Variants in EPHA6 observed in about 807,000 individuals in gnomAD.
EPHA6 encodes ephrin type-A receptor 6.
In EPHA6, 50 loss-of-function variants were observed where a neutral mutation model predicts 112.0. The observed-to-expected ratio is 0.45, with a 90% CI of 0.36 to 0.56. The LOEUF (loss-of-function observed/expected upper bound fraction) is 0.56, where lower values mean the gene tolerates loss of function less well. EPHA6 is among the 20% of genes least tolerant of loss of function. EPHA6 has a pLI of 0.00. For synonymous variants in EPHA6, 529 were observed against 490.7 expected, an observed-to-expected ratio of 1.08 and a Z score of -1.03; for missense variants, 1,280 against 1,417.4, an observed-to-expected ratio of 0.90 and a Z score of 1.56.
At chr3:97,101,158 A>T (rs1243902004) in intron 3 of EPHA6, among the ~76,000 whole-genome samples, 5 of 152,080 alleles carry the variant, frequency 3.3e-5, no homozygotes, top group Non-Finnish European at 7.4e-5. Flanking sequence ...AATTTTGAAC[A>T]TATAAATTAT....
At chr3:97,560,041 A>G (rs1358329601) in intron 11 of EPHA6, among the ~76,000 whole-genome samples, 1 of 151,990 alleles carries the variant, frequency 6.6e-6, no homozygotes, top group East Asian at 1.9e-4. Context: ...AAAGAAAAAA[A>G]AGAAAAAAAT....
chr3:97,677,497 G>T (rs1160206115), intron 14 of EPHA6, among the ~76,000 whole-genome samples: 1 of 151,938 alleles, frequency 6.6e-6, no homozygotes, highest in Non-Finnish European at 1.5e-5. Context: ...AAGGTGGGCG[G>T]ATCACCTGAG....
intron 2 of EPHA6, among the ~76,000 whole-genome samples, chr3:96,953,359 CT>C (rs2041628225): frequency 6.6e-6 from 1 of 152,054 alleles, no homozygotes; most frequent in Non-Finnish European, 1.5e-5. Flanking sequence ...GTATTTGTTT[CT>C]AGTTTAAAAA....
intron 3 of EPHA6, among the ~76,000 whole-genome samples, chr3:97,212,199 T>C (rs1362690805): frequency 6.6e-6 from 1 of 152,102 alleles, no homozygotes; most frequent in Non-Finnish European, 1.5e-5. Flanking sequence ...TAAATAGTAT[T>C]TCATTTCAGG....
At chr3:97,678,111 G>A (rs1045148852) in intron 14 of EPHA6, among the ~76,000 whole-genome samples, 13 of 152,092 alleles carry the variant, frequency 8.5e-5, no homozygotes, top group African/African-American at 3.1e-4. Flanking sequence ...GTGGTGACTT[G>A]GAGTATTGAT....
chr3:97,259,990 A>G (rs1265034040), intron 5 of EPHA6, among the ~76,000 whole-genome samples: 17 of 152,072 alleles, frequency 1.1e-4, no homozygotes, highest in Non-Finnish European at 7.4e-5. Context: ...CAGTAGAGAC[A>G]GGGTTTCACC....
chr3:97,114,633 A>G (rs960987837), intron 3 of EPHA6, among the ~76,000 whole-genome samples: 5 of 152,124 alleles, frequency 3.3e-5, no homozygotes, highest in African/African-American at 9.6e-5. Flanking sequence ...TAAGACATAT[A>G]TAGCATTCTT....
At chr3:96,858,999 G>A (rs1576162859) in intron 1 of EPHA6, among the ~76,000 whole-genome samples, 1 of 152,098 alleles carries the variant, frequency 6.6e-6, no homozygotes, top group Admixed American at 6.6e-5. Flanking sequence ...ACCAAGTACA[G>A]TAGCCGTTTA....
intron 3 of EPHA6, among the ~76,000 whole-genome samples, chr3:97,148,640 T>A (rs1020479012): frequency 6.6e-5 from 10 of 152,072 alleles, no homozygotes; most frequent in Non-Finnish European, 1.3e-4. Flanking sequence ...TATATTAAAA[T>A]TTTAAAAAAT....
At chr3:97,091,087 C>G (rs1205745283) in intron 3 of EPHA6, among the ~76,000 whole-genome samples, 2 of 152,060 alleles carry the variant, frequency 1.3e-5, no homozygotes, top group Non-Finnish European at 2.9e-5. Context: ...TTACTCTTCC[C>G]TCTTCCATTT....
intron 14 of EPHA6, among the ~76,000 whole-genome samples, chr3:97,648,126 G>A (rs1386146377): frequency 1.3e-5 from 2 of 151,988 alleles, no homozygotes; most frequent in East Asian, 1.9e-4. Flanking sequence ...TAATTGCATC[G>A]ATTTTGTGTT....
intron 14 of EPHA6, among the ~76,000 whole-genome samples, chr3:97,673,449 G>T (rs927176758): frequency 6.6e-6 from 1 of 152,138 alleles, no homozygotes; most frequent in Non-Finnish European, 1.5e-5. Context: ...GGAAGATGAG[G>T]TGAATTCACA....
chr3:97,103,445 T>C (rs776865663), intron 3 of EPHA6, among the ~76,000 whole-genome samples: 2 of 152,118 alleles, frequency 1.3e-5, no homozygotes, highest in Non-Finnish European at 2.9e-5. Flanking sequence ...AAAGATCAGA[T>C]GGTTGCATGT....
chr3:96,859,113 T>G (rs1411253559), intron 1 of EPHA6, among the ~76,000 whole-genome samples: 1 of 42,916 alleles, frequency 2.3e-5, no homozygotes, highest in East Asian at 9.9e-4. Flanking sequence ...CATGATCCCT[T>G]TTGATTACCT....
At chr3:97,138,937 G>T (rs537155650) in intron 3 of EPHA6, among the ~76,000 whole-genome samples, 3 of 152,182 alleles carry the variant, frequency 2.0e-5, no homozygotes, top group Non-Finnish European at 4.4e-5. Flanking sequence ...AAACCTAGGT[G>T]TGTCCCAGTG....
chr3:97,053,372 G>C (rs925092380), intron 3 of EPHA6, among the ~76,000 whole-genome samples: 1 of 152,050 alleles, frequency 6.6e-6, no homozygotes, highest in African/African-American at 2.4e-5. Context: ...GGGAACATGT[G>C]CTGGTACTGA....
At chr3:97,244,913 A>G (rs1373443868) in intron 5 of EPHA6, among the ~76,000 whole-genome samples, 14 of 152,110 alleles carry the variant, frequency 9.2e-5, no homozygotes, top group African/African-American at 2.4e-4. Context: ...AAACACTCCT[A>G]TGATTTTTAC....
intron 10 of EPHA6, among the ~76,000 whole-genome samples, chr3:97,492,094 A>G (rs2091853454): frequency 6.6e-6 from 1 of 151,978 alleles, no homozygotes; most frequent in Admixed American, 6.6e-5. Flanking sequence ...GTGAATCATT[A>G]TTTTTTCAAG....
intron 5 of EPHA6, among the ~76,000 whole-genome samples, chr3:97,372,955 C>T (rs2085144438): frequency 6.6e-6 from 1 of 151,988 alleles, no homozygotes; most frequent in Non-Finnish European, 1.5e-5. Context: ...AGATGCAAAC[C>T]AAATTCTTCA....
Sources: allele counts gnomAD v4.1 joint callset (sites outside exome capture counted in the v4.1 genomes callset), GRCh38; gene constraint gnomAD v4.1.1; transcripts MANE v1.5; gene names NCBI Gene and HGNC (gene_info 2026-07-23, HGNC 2026-07-21).